GLP1R: variants seen among roughly 807,000 people sequenced by gnomAD.
GLP1R encodes glucagon-like peptide 1 receptor.
Under a neutral mutation model 68.4 loss-of-function variants are expected in GLP1R, and 32 were observed. That is an observed-to-expected ratio of 0.47 (90% CI 0.35 to 0.63). The LOEUF (loss-of-function observed/expected upper bound fraction) is 0.63, where lower values mean the gene tolerates loss of function less well. Ranked by LOEUF, GLP1R falls within the 20% of genes least tolerant of loss-of-function variation. GLP1R has a pLI of 0.00. For missense variants in GLP1R, 502 were observed against 594.9 expected, an observed-to-expected ratio of 0.84 and a Z score of 1.62; for synonymous variants, 263 against 244.4, an observed-to-expected ratio of 1.08 and a Z score of -0.71.
At chr6:39,057,159 A>C (rs1768233272) in intron 2 of GLP1R, among the ~76,000 whole-genome samples, 1 of 152,224 alleles carries the variant, frequency 6.6e-6, no homozygotes, top group Non-Finnish European at 1.5e-5. Context: ...TTTTTCATTG[A>C]GCACGTACTA....
At position 39,087,189 on chromosome 6, in the gene GLP1R, T is replaced by C. The variant is rs564634855; in HGVS notation, c.*1116T>C. ...CTTCACTCACTTTTCTTTATTGCTG[T>C]GAATAGTCTGTGTGCACAATGGGCA... On this transcript the variant is annotated 3_prime_UTR_variant, in exon 13 of 13. Coordinates refer to ENST00000373256, the MANE Select transcript of GLP1R (RefSeq NM_002062.5). 2 of 152,352 alleles carry C rather than the reference T, an allele frequency of 1.3e-5. No individual in the cohort carries two copies. The highest frequency in any genetic ancestry group is 4.1e-4 in the South Asian group (2 of 4,820). 9.4% of individuals were successfully genotyped at this position (152,352 alleles called of 1,614,324 possible).
At chr6:39,075,839 G>C (rs1302824357) in intron 7 of GLP1R, among the ~76,000 whole-genome samples, 5 of 152,236 alleles carry the variant, frequency 3.3e-5, no homozygotes, top group Non-Finnish European at 5.9e-5. Flanking sequence ...CAGGCAGTTG[G>C]GGGCCTGTAG....
rs975946006 is a variant in GLP1R at position 39,090,929 on chromosome 6, T to G, written c.*4856T>G. 6.6e-6 allele frequency among the ~76,000 whole-genome samples: 1 copy of G among 152,104 alleles called. No homozygotes were observed. Among genetic ancestry groups the G allele is most frequent in the Non-Finnish European group, 1.5e-5 (1 of 68,010 alleles). On this transcript the variant is annotated 3_prime_UTR_variant, in exon 13 of 13. Coordinates refer to ENST00000373256, the MANE Select transcript of GLP1R (RefSeq NM_002062.5). ...CTTGCCAAACAGTTTACACTTTACC[T>G]CCAAACCTGCAGTTCTAAGCTACTC...
At chr6:39,067,087 A>G (rs1184637594) in intron 5 of GLP1R, among the ~76,000 whole-genome samples, 1 of 152,156 alleles carries the variant, frequency 6.6e-6, no homozygotes, top group African/African-American at 2.4e-5. Context: ...AAGAAATAAC[A>G]TGTCCCATAG....
At position 39,088,320 on chromosome 6, in the gene GLP1R, A is replaced by C. The variant is rs565302995; in HGVS notation, c.*2247A>C. On this transcript the variant is annotated 3_prime_UTR_variant, in exon 13 of 13. Coordinates refer to ENST00000373256, the MANE Select transcript of GLP1R (RefSeq NM_002062.5). Reference sequence around the variant, plus strand: ...CGGCCCCCCGAAGCTATTAATAGTCATTCAAATGGCACTGCACTCTTTCCA... The same window carrying C: ...CGGCCCCCCGAAGCTATTAATAGTCCTTCAAATGGCACTGCACTCTTTCCA... 6.6e-6 allele frequency among the ~76,000 whole-genome samples: 1 copy of C among 151,140 alleles called. No homozygotes were observed. The highest frequency in any genetic ancestry group is 2.4e-5 in the African/African-American group (1 of 41,148).
At chr6:39,070,373 C>T (rs941335048) in intron 5 of GLP1R, among the ~76,000 whole-genome samples, 3 of 151,984 alleles carry the variant, frequency 2.0e-5, no homozygotes, top group Non-Finnish European at 4.4e-5. Context: ...TATCTGTCAA[C>T]CTTTTAATGG....
intron 7 of GLP1R, among the ~76,000 whole-genome samples, chr6:39,074,792 C>A (rs1486128917): frequency 1.3e-5 from 2 of 152,200 alleles, no homozygotes; most frequent in African/African-American, 2.4e-5. Flanking sequence ...CCTTCCCACA[C>A]CAGGGTGTCC....
rs375821449 is a variant in GLP1R, at chr6:39,056,415, T to A, written c.97T>A (p.Trp33Arg). The A allele has an allele frequency of 8.7e-6, 14 of 1,605,490 alleles. No homozygotes were observed. The highest frequency in any genetic ancestry group is 1.2e-5 in the Non-Finnish European group (14 of 1,172,160). The part of the protein sequence containing the change: ...PRPQGATVSL[W>R]ETVQKWREYR... Reference sequence around the variant, plus strand: ...CCCCCAGGGTGCCACTGTGTCCCTCTGGGAGACGGTGCAGAAATGGCGAGA... The same window carrying A: ...CCCCCAGGGTGCCACTGTGTCCCTCAGGGAGACGGTGCAGAAATGGCGAGA... Residue 33 changes from tryptophan to arginine, a missense_variant, in exon 2 of 13, where the codon TGG becomes AGG. Trp to Arg is a moderately radical substitution (Grantham distance 101, BLOSUM62 -3). Transcript: ENST00000373256.
chr6:39,062,992 C>G (rs934897237), intron 3 of GLP1R, among the ~76,000 whole-genome samples: 3 of 152,236 alleles, frequency 2.0e-5, no homozygotes, highest in African/African-American at 7.2e-5. Context: ...AAGGCAGTGC[C>G]TACTGTATGC....
At chr6:39,068,644 C>G in intron 5 of GLP1R, among the ~76,000 whole-genome samples, 1 of 152,214 alleles carries the variant, frequency 6.6e-6, no homozygotes, top group East Asian at 1.9e-4. Flanking sequence ...AGGTTTACTG[C>G]TACGTCCTCC....
chr6:39,071,585 G>C (rs1336603265), intron 5 of GLP1R, among the ~76,000 whole-genome samples: 7 of 151,828 alleles, frequency 4.6e-5, no homozygotes, highest in Admixed American at 2.0e-4. Flanking sequence ...CTTCCCCCTT[G>C]GTTTGCAATG....
At chr6:39,071,623 C>T (rs1270679175) in intron 5 of GLP1R, among the ~76,000 whole-genome samples, 1 of 152,066 alleles carries the variant, frequency 6.6e-6, no homozygotes, top group Non-Finnish European at 1.5e-5. Context: ...CAAGGCTCCA[C>T]GTATGTATGG....
chr6:39,065,862 G>A (rs767056980), intron 4 of GLP1R, 33 bp downstream of exon 4: 18 of 1,313,380 alleles, frequency 1.4e-5, no homozygotes, highest in Non-Finnish European at 1.8e-5. Context: ...GCCAGGGAGC[G>A]GGGAGCCATG....
intron 1 of GLP1R, among the ~76,000 whole-genome samples, chr6:39,054,625 C>G (rs1768168007): frequency 1.3e-5 from 2 of 152,232 alleles, no homozygotes; most frequent in African/African-American, 4.8e-5. Flanking sequence ...ACCCCTCCCC[C>G]CGCCTCTGGG....
At chr6:39,070,577 T>TA (rs1017867008) in intron 5 of GLP1R, among the ~76,000 whole-genome samples, 1 of 152,242 alleles carries the variant, frequency 6.6e-6, no homozygotes, top group African/African-American at 2.4e-5. Context: ...TCATCAGTAA[T>TA]AAAAGAGAGC....
At position 39,085,897 on chromosome 6, in the gene GLP1R, C is replaced by T; in HGVS notation, c.1225-9C>T. ...GATGGCTTTCGTTTCCCTCCTTTTCCCATGGAAGGTCCAGCTGGAATTTCG... is the reference window on the plus strand; with the variant it reads ...GATGGCTTTCGTTTCCCTCCTTTTCTCATGGAAGGTCCAGCTGGAATTTCG... On this transcript the variant is annotated splice_polypyrimidine_tract_variant and intron_variant, in intron 12 of 12. Transcript: ENST00000373256. 2 of 1,613,692 alleles carry T rather than the reference C, an allele frequency of 1.2e-6. No individual in the cohort carries two copies. The highest frequency in any genetic ancestry group is 1.7e-6 in the Non-Finnish European group (2 of 1,179,706).
chr6:39,069,678 A>T (rs901176285), intron 5 of GLP1R, among the ~76,000 whole-genome samples: 12 of 151,520 alleles, frequency 7.9e-5, no homozygotes, highest in Non-Finnish European at 1.5e-4. Context: ...CATAGCTCTC[A>T]TCTTCTTCTG....
intron 5 of GLP1R, among the ~76,000 whole-genome samples, chr6:39,067,111 G>T (rs1562010084): frequency 6.6e-6 from 1 of 152,028 alleles, no homozygotes; most frequent in Admixed American, 6.5e-5. Context: ...CACTTCTCTG[G>T]GTAACCCTCT....
chr6:39,086,165 G>T lies in GLP1R; in HGVS notation c.*92G>T. 1.5e-4 allele frequency: 91 copies of T among 607,382 alleles called. No individual in the cohort carries two copies. The highest frequency in any genetic ancestry group is 3.8e-4 in the African/African-American group (10 of 26,204). 37.6% of individuals were successfully genotyped at this position (607,382 alleles called of 1,614,324 possible). On this transcript the variant is annotated 3_prime_UTR_variant, in exon 13 of 13. Coordinates refer to ENST00000373256, the MANE Select transcript of GLP1R (RefSeq NM_002062.5). This position sits in a 1 kb window ranked among gnomAD's most constrained non-coding sequence, Gnocchi z 4.5. ...CACTCCCAGGGACAAGGGAAGGAAGGGACACACACACACACACACACACAC... is the reference window on the plus strand; with the variant it reads ...CACTCCCAGGGACAAGGGAAGGAAGTGACACACACACACACACACACACAC...
Sources: gnomAD v4.1 joint callset for allele counts (sites outside exome capture counted in the v4.1 genomes callset) on GRCh38, gnomAD v4.1.1 for gene constraint, Gnocchi (gnomAD v3.1) non-coding constraint, MANE v1.5 for transcripts, NCBI Gene and HGNC (gene_info 2026-07-23, HGNC 2026-07-21) for gene names.